The following SYT14 variants were observed in gnomAD, a reference collection of about 807,000 sequenced individuals.
SYT14 encodes the protein synaptotagmin-14.
In SYT14, 32 loss-of-function variants were observed where a neutral mutation model predicts 74.2. The ratio of observed to expected loss-of-function variants is 0.43; its 90% CI spans 0.33 to 0.58. SYT14 has a LOEUF of 0.58. Ranked by LOEUF, SYT14 falls within the 20% of genes least tolerant of loss-of-function variation. SYT14 has a pLI of 0.05. For synonymous variants in SYT14, 298 were observed against 337.7 expected, an observed-to-expected ratio of 0.88 and a Z score of 1.29; for missense variants, 791 against 981.8, an observed-to-expected ratio of 0.81 and a Z score of 2.60.
At chr1:209,938,310 CG>C in intron 1 of SYT14, 33 bp downstream of exon 1, 1 of 1,542,780 alleles carries the variant, frequency 6.5e-7, no homozygotes, top group Non-Finnish European at 8.8e-7. Flanking sequence ...GAGCGAGGAC[CG>C]GGACCACCCA....
At chr1:210,054,018 A>G (rs529109360) in intron 5 of SYT14, among the ~76,000 whole-genome samples, 1 of 152,288 alleles carries the variant, frequency 6.6e-6, no homozygotes, top group African/African-American at 2.4e-5. Flanking sequence ...TCATTTTCCT[A>G]TAGAATTTTG....
intron 7 of SYT14, among the ~76,000 whole-genome samples, chr1:210,112,021 G>T (rs149871189): frequency 1.0e-3 from 152 of 151,324 alleles, no homozygotes; most frequent in Admixed American, 3.9e-3. Context: ...CTGCTTGGGA[G>T]ATTTGACTAG....
In SYT14 at chr1:209,989,608, A is replaced by G. The variant is rs12567184; in HGVS notation, c.-485-24025A>G. On this transcript the variant is annotated intron_variant, in intron 2 of 9. Coordinates refer to ENST00000637265, the Ensembl canonical transcript of SYT14. ...TGATATAAATGTAGTTGCTTATATCATCTTTCTTCCTTTAAAGCTTAAAGT... is the reference window on the plus strand; with the variant it reads ...TGATATAAATGTAGTTGCTTATATCGTCTTTCTTCCTTTAAAGCTTAAAGT... Among the ~76,000 whole-genome samples the G allele has an allele frequency of 0.015, 2,317 of 152,318 alleles. 173 individuals carry two copies. In the East Asian group the frequency reaches 0.24, roughly 15 times the overall value.
chr1:209,992,519 G>A (rs556944710), intron 2 of SYT14, among the ~76,000 whole-genome samples: 4 of 152,060 alleles, frequency 2.6e-5, no homozygotes, highest in Admixed American at 1.3e-4. Flanking sequence ...AATAGACATT[G>A]GCAACTCAGT....
At position 209,952,760 on chromosome 1, in the gene SYT14, A is replaced by C; in HGVS notation, c.-486+4A>C. 6.2e-7 allele frequency: 1 copy of C among 1,608,680 alleles called. No homozygotes were observed. The highest frequency in any genetic ancestry group is 8.5e-7 in the Non-Finnish European group (1 of 1,178,066). ...GAACTTATCTGTATTAGAAAAGGTA[A>C]GTCATTGCTCTGCATGGCTATTTAC... On this transcript the variant is annotated splice_donor_region_variant and intron_variant, in intron 2 of 9. Transcript: ENST00000637265.
chr1:210,041,916 GCA>G (rs2080797813), intron 5 of SYT14, among the ~76,000 whole-genome samples: 3 of 152,074 alleles, frequency 2.0e-5, no homozygotes, highest in Admixed American at 2.0e-4. Context: ...TCTTGTTGCA[GCA>G]CAACTGAGGG....
chr1:210,138,760 C>T (rs1172244099), intron 7 of SYT14, among the ~76,000 whole-genome samples: 1 of 152,048 alleles, frequency 6.6e-6, no homozygotes, highest in Non-Finnish European at 1.5e-5. Flanking sequence ...AATGGTTTAA[C>T]TTAAAAAGTT....
chr1:210,131,980 G>A (rs973786534), intron 7 of SYT14, among the ~76,000 whole-genome samples: 5 of 151,680 alleles, frequency 3.3e-5, no homozygotes, highest in Admixed American at 3.3e-4. Flanking sequence ...CCAGCCTTGG[G>A]CTCTGACATC....
rs200494206 is a variant in SYT14 at position 209,952,919 on chromosome 1, CTTA to C, written c.-486+168_-486+170del. The C allele has an allele frequency of 0.048, 50,896 of 1,066,946 alleles. 1,440 individuals are homozygous for C. Among genetic ancestry groups the C allele is most frequent in the Middle Eastern group, 0.059 (198 of 3,332 alleles). The allele number at this position is 1,066,946 out of a possible 1,614,324, so 66.1% of individuals were successfully genotyped here. A position where few individuals can be genotyped will look rare whatever the true frequency, so the allele number is the denominator to read the frequency against. On this transcript the variant is annotated intron_variant, in intron 2 of 9. Transcript: ENST00000637265. ...TTAAGCATTAGTAAAGTGCATATTACTTATTATGTGATTATTGAGAGTTGTTGC... is the reference window on the plus strand; with the variant it reads ...TTAAGCATTAGTAAAGTGCATATTACTTATGTGATTATTGAGAGTTGTTGC...
At chr1:210,148,077 A>G (rs368944505) in intron 7 of SYT14, among the ~76,000 whole-genome samples, 7 of 151,334 alleles carry the variant, frequency 4.6e-5, no homozygotes, top group East Asian at 2.0e-4. Context: ...TCAATACTCA[A>G]TACTCACACA....
At chr1:210,072,044 C>G (rs1324412734) in intron 5 of SYT14, among the ~76,000 whole-genome samples, 2 of 150,900 alleles carry the variant, frequency 1.3e-5, no homozygotes, top group Admixed American at 1.3e-4. Flanking sequence ...ATGTTTATAC[C>G]TTTTTAAAAA....
chr1:210,143,368 A>T (rs940749812), intron 7 of SYT14, among the ~76,000 whole-genome samples: 2 of 152,164 alleles, frequency 1.3e-5, no homozygotes, highest in Admixed American at 1.3e-4. Flanking sequence ...TATTTTGCTA[A>T]TTTTTCACCA....
chr1:210,095,304 CTG>C (rs2081949957), intron 6 of SYT14, among the ~76,000 whole-genome samples: 1 of 152,186 alleles, frequency 6.6e-6, no homozygotes, highest in Middle Eastern at 3.2e-3. Context: ...GAGACAGAGT[CTG>C]TCTCTGTCAC....
chr1:210,049,176 G>A (rs375438889), intron 5 of SYT14, among the ~76,000 whole-genome samples: 2 of 152,124 alleles, frequency 1.3e-5, no homozygotes, highest in Non-Finnish European at 2.9e-5. Flanking sequence ...CCCATTCTGG[G>A]GTCTGGAGGA....
intron 2 of SYT14, among the ~76,000 whole-genome samples, chr1:210,003,180 A>G (rs1182535210): frequency 6.6e-6 from 1 of 152,030 alleles, no homozygotes; most frequent in Non-Finnish European, 1.5e-5. Context: ...ATGATCCCTC[A>G]CTCACCCACT....
chr1:209,986,526 T>C (rs988715995), intron 2 of SYT14, among the ~76,000 whole-genome samples: 4 of 151,610 alleles, frequency 2.6e-5, no homozygotes, highest in East Asian at 3.9e-4. Flanking sequence ...GGCAGGAGAA[T>C]GGCGTGAACC....
At chr1:209,965,775 T>A in intron 2 of SYT14, 1 of 385,738 alleles carries the variant, frequency 2.6e-6, no homozygotes, top group Non-Finnish European at 5.1e-6. Context: ...ATCTAATTGT[T>A]TCAGCCTCAT....
intron 4 of SYT14, among the ~76,000 whole-genome samples, chr1:210,019,895 G>A (rs2080267146): frequency 6.6e-6 from 1 of 152,032 alleles, no homozygotes; most frequent in South Asian, 2.1e-4. Context: ...TTAAAAAACT[G>A]GTAATAACTA....
Position 209,998,065 on chromosome 1 carries a change from A to G in SYT14, c.-485-15568A>G, listed in dbSNP as rs180742919. Among the ~76,000 whole-genome samples, 6 of 152,170 alleles carry G rather than the reference A, an allele frequency of 3.9e-5. No individual in the cohort carries two copies. The South Asian group carries it at 6.2e-4, about 16-fold the overall frequency. Reference sequence around the variant, plus strand: ...TGAATTTTGATTGCGTGTTTTTAAGACAGAGTTTTCATATTTGTACACAGG... The same window carrying G: ...TGAATTTTGATTGCGTGTTTTTAAGGCAGAGTTTTCATATTTGTACACAGG... On this transcript the variant is annotated intron_variant, in intron 2 of 9. Coordinates refer to ENST00000637265, the Ensembl canonical transcript of SYT14.
Sources: gnomAD v4.1 joint callset for allele counts (sites outside exome capture counted in the v4.1 genomes callset) on GRCh38, gnomAD v4.1.1 for gene constraint, MANE v1.5 for transcripts, NCBI Gene and HGNC (gene_info 2026-07-23, HGNC 2026-07-21) for gene names.